The following PTPRT variants were observed in gnomAD, a reference collection of about 807,000 sequenced individuals.
PTPRT encodes the protein protein tyrosine phosphatase receptor type T.
Under a neutral mutation model 176.8 loss-of-function variants are expected in PTPRT, and 56 were observed. That is an observed-to-expected ratio of 0.32 (90% CI 0.26 to 0.40). The LOEUF (loss-of-function observed/expected upper bound fraction) is 0.40. Among genes scored for constraint, PTPRT ranks in the 10% least tolerant of loss-of-function variants. PTPRT has a pLI of 1.00. For synonymous variants in PTPRT, 783 were observed against 739.0 expected, an observed-to-expected ratio of 1.06 and a Z score of -0.96; for missense variants, 1,540 against 1,908.2, an observed-to-expected ratio of 0.81 and a Z score of 3.60.
At chr20:42,836,273 A>T (rs1359958000) in intron 2 of PTPRT, among the ~76,000 whole-genome samples, 1 of 152,074 alleles carries the variant, frequency 6.6e-6, no homozygotes, top group Non-Finnish European at 1.5e-5. Context: ...ACTGCAATAC[A>T]TTCCTGGGAG....
intron 6 of PTPRT, among the ~76,000 whole-genome samples, chr20:42,722,994 T>C (rs1160804658): frequency 6.6e-6 from 1 of 152,174 alleles, no homozygotes; most frequent in Non-Finnish European, 1.5e-5. Context: ...AAATCCTGCT[T>C]CTGATACTGA....
chr20:43,139,642 C>G (rs1276729007), intron 1 of PTPRT, among the ~76,000 whole-genome samples: 1 of 152,174 alleles, frequency 6.6e-6, no homozygotes. Context: ...AGACACTGGG[C>G]TATTGATTTA....
intron 1 of PTPRT, among the ~76,000 whole-genome samples, chr20:43,119,075 C>T (rs1421959435): frequency 2.0e-5 from 3 of 152,130 alleles, no homozygotes; most frequent in African/African-American, 4.8e-5. Flanking sequence ...GAGCAAATTA[C>T]AATATAACCT....
chr20:42,631,378 A>G (rs1353073031), intron 7 of PTPRT, among the ~76,000 whole-genome samples: 1 of 151,906 alleles, frequency 6.6e-6, no homozygotes, highest in Non-Finnish European at 1.5e-5. Context: ...TAGAAGTAAC[A>G]AAATGATCTA....
At chr20:42,119,791 C>A in intron 20 of PTPRT, 144 bp downstream of exon 20, 1 of 653,028 alleles carries the variant, frequency 1.5e-6, no homozygotes. Context: ...GAAACTCATT[C>A]CTCTCCTCCA....
At chr20:42,489,035 T>C (rs2071514110) in intron 7 of PTPRT, among the ~76,000 whole-genome samples, 1 of 140,428 alleles carries the variant, frequency 7.1e-6, no homozygotes, top group Non-Finnish European at 1.5e-5. Context: ...TGTGTGTGTG[T>C]GTGTGTGTGT....
intron 1 of PTPRT, among the ~76,000 whole-genome samples, chr20:42,912,257 T>A (rs1471009547): frequency 1.3e-5 from 2 of 152,202 alleles, no homozygotes; most frequent in Non-Finnish European, 2.9e-5. Flanking sequence ...GTCATTTTAA[T>A]TGGTGAACTG....
chr20:42,869,370 C>T (rs1454192385), intron 2 of PTPRT, among the ~76,000 whole-genome samples: 2 of 152,106 alleles, frequency 1.3e-5, no homozygotes, highest in African/African-American at 4.8e-5. Flanking sequence ...AATGGGGCTG[C>T]CTGGGTCTTT....
In PTPRT at chr20:42,855,152, T is replaced by A. The variant is rs137918283; in HGVS notation, c.214+30655A>T. ...AGTGAATACAGTCATTGGAAACCTT[T>A]TCCAATAAGAGCATGTCATACTGGC... On this transcript the variant is annotated intron_variant, in intron 2 of 30. Coordinates refer to ENST00000373187, the MANE Select transcript of PTPRT (RefSeq NM_007050.6). Among the ~76,000 whole-genome samples, 575 of 152,292 alleles carry A rather than the reference T, an allele frequency of 3.8e-3. 2 individuals carry two copies. The highest frequency in any genetic ancestry group is 0.013 in the African/African-American group (547 of 41,576).
At chr20:42,244,691 A>G (rs1484936999) in intron 14 of PTPRT, among the ~76,000 whole-genome samples, 1 of 152,196 alleles carries the variant, frequency 6.6e-6, no homozygotes, top group East Asian at 1.9e-4. Context: ...GTGTGTCCCA[A>G]GGGATAAAAT....
chr20:43,168,884 A>G (rs760027740), intron 1 of PTPRT, among the ~76,000 whole-genome samples: 1 of 152,174 alleles, frequency 6.6e-6, no homozygotes, highest in Non-Finnish European at 1.5e-5. Flanking sequence ...CTTCAATTCA[A>G]TGTACTACTC....
intron 1 of PTPRT, among the ~76,000 whole-genome samples, chr20:43,161,942 G>A (rs1363787919): frequency 1.3e-5 from 2 of 152,158 alleles, no homozygotes; most frequent in Admixed American, 1.3e-4. Flanking sequence ...GCATAACAGC[G>A]TTTTATGGGT....
chr20:42,455,527 C>T (rs1021045265), intron 8 of PTPRT, among the ~76,000 whole-genome samples: 1 of 152,100 alleles, frequency 6.6e-6, no homozygotes, highest in African/African-American at 2.4e-5. Context: ...CTTTCTCTAT[C>T]CTGAAGTCAT....
At chr20:42,286,533 C>A (rs2147071306) in intron 12 of PTPRT, among the ~76,000 whole-genome samples, 1 of 151,928 alleles carries the variant, frequency 6.6e-6, no homozygotes, top group Admixed American at 6.6e-5. Context: ...CATCCATATT[C>A]AGAAGAACGA....
intron 1 of PTPRT, among the ~76,000 whole-genome samples, chr20:42,896,863 G>A (rs2079309302): frequency 6.6e-6 from 1 of 152,250 alleles, no homozygotes; most frequent in African/African-American, 2.4e-5. Flanking sequence ...TCTAAGTGGG[G>A]CTTATTAATT....
chr20:42,732,025 C>A (rs1466013443), intron 6 of PTPRT, among the ~76,000 whole-genome samples: 1 of 152,248 alleles, frequency 6.6e-6, no homozygotes, highest in African/African-American at 2.4e-5. Context: ...TTGATCCCAA[C>A]AAAGTCTCAA....
At chr20:42,083,291 G>T (rs994691488) in intron 29 of PTPRT, among the ~76,000 whole-genome samples, 5 of 152,134 alleles carry the variant, frequency 3.3e-5, no homozygotes, top group African/African-American at 1.2e-4. Context: ...GACCCTGAAA[G>T]ATGGGTGCTA....
chr20:42,614,520 G>A (rs866013636), intron 7 of PTPRT, among the ~76,000 whole-genome samples: 2 of 150,622 alleles, frequency 1.3e-5, no homozygotes, highest in Middle Eastern at 3.4e-3. Context: ...AGTGTCAGCC[G>A]AGCTAACACT....
At chr20:42,694,044 T>TCTC (rs1309044733) in intron 6 of PTPRT, among the ~76,000 whole-genome samples, 1 of 146,782 alleles carries the variant, frequency 6.8e-6, no homozygotes, top group African/African-American at 2.6e-5. Context: ...TATTTTCTTT[T>TCTC]TTTTTTTTTT....
Sources: allele counts gnomAD v4.1 joint callset (sites outside exome capture counted in the v4.1 genomes callset), GRCh38; gene constraint gnomAD v4.1.1; transcripts MANE v1.5; gene names NCBI Gene and HGNC (gene_info 2026-07-23, HGNC 2026-07-21).